CTNNBIP1: variants seen among roughly 807,000 people sequenced by gnomAD.
CTNNBIP1 encodes the protein catenin beta interacting protein 1, also known as beta-catenin-interacting protein 1.
Under a neutral mutation model 11.8 loss-of-function variants are expected in CTNNBIP1, and 7 were observed. That is an observed-to-expected ratio of 0.60 (90% CI 0.34 to 1.12). The LOEUF (loss-of-function observed/expected upper bound fraction) is 1.12, where lower values mean the gene tolerates loss of function less well. CTNNBIP1 is among the 50% of genes most tolerant of loss of function. The pLI is 0.03. For synonymous variants in CTNNBIP1, 58 were observed against 43.9 expected, an observed-to-expected ratio of 1.32 and a Z score of -1.26; for missense variants, 101 against 113.4, an observed-to-expected ratio of 0.89 and a Z score of 0.50.
chr1:9,870,848 A>G lies in CTNNBIP1; in HGVS notation c.187+339T>C, dbSNP rs559980574. ...ACAGGGTGCTGGGTGGGTAGGGGTC[A>G]GGCCAAAGGTTAAAGAAATGCAATA... On this transcript the variant is annotated intron_variant, in intron 5 of 5. Transcript: ENST00000377263. 1.5e-3 allele frequency among the ~76,000 whole-genome samples: 233 copies of G among 152,334 alleles called. 1 individual carries two copies. The highest frequency in any genetic ancestry group is 5.4e-3 in the African/African-American group (223 of 41,572).
chr1:9,877,149 G>A (rs1312658131), intron 3 of CTNNBIP1, among the ~76,000 whole-genome samples: 1 of 152,212 alleles, frequency 6.6e-6, no homozygotes, highest in Non-Finnish European at 1.5e-5. Flanking sequence ...TCTCACTTTA[G>A]AAGAATTAGG....
chr1:9,901,744 A>G (rs1196763691), intron 1 of CTNNBIP1, among the ~76,000 whole-genome samples: 1 of 152,142 alleles, frequency 6.6e-6, no homozygotes, highest in Non-Finnish European at 1.5e-5. Context: ...GCACTGAGTG[A>G]CCTGGCCTCC....
At chr1:9,861,459 CT>C (rs1287562237) in intron 5 of CTNNBIP1, among the ~76,000 whole-genome samples, 1 of 152,218 alleles carries the variant, frequency 6.6e-6, no homozygotes, top group Non-Finnish European at 1.5e-5. Flanking sequence ...CAGGGGATGG[CT>C]TTTACCCAGA....
chr1:9,878,457 A>G (rs1184396299), intron 2 of CTNNBIP1, among the ~76,000 whole-genome samples: 1 of 152,214 alleles, frequency 6.6e-6, no homozygotes, highest in Non-Finnish European at 1.5e-5. Flanking sequence ...TGCTCAGTGC[A>G]TGTATATGTG....
At chr1:9,868,529 G>A (rs995611020) in intron 5 of CTNNBIP1, among the ~76,000 whole-genome samples, 2 of 152,146 alleles carry the variant, frequency 1.3e-5, no homozygotes, top group African/African-American at 4.8e-5. Context: ...TTTCCCTTAT[G>A]ACAAAGAAAC....
rs70998316 is a variant in CTNNBIP1, at chr1:9,891,781, A to ATTT, written c.-143-8046_-143-8044dup. Among the ~76,000 whole-genome samples, 133 of 81,452 alleles carry ATTT rather than the reference A, an allele frequency of 1.6e-3. 3 individuals carry two copies. Among genetic ancestry groups the ATTT allele is most frequent in the Non-Finnish European group, 2.3e-3 (104 of 44,936 alleles). 53.4% of individuals were successfully genotyped at this position (81,452 alleles called of 152,430 possible). A position where few individuals can be genotyped will look rare whatever the true frequency, so the allele number is the denominator to read the frequency against. On this transcript the variant is annotated intron_variant, in intron 1 of 5. Coordinates refer to ENST00000377263, the MANE Select transcript of CTNNBIP1 (RefSeq NM_020248.3). ...ATAAAGTAAGACCCCATCTCTTTAA[A>ATTT]TTTTTTTTTTTTTTTTTTTTTTTTT...
rs992346797 is a variant in CTNNBIP1, at chr1:9,883,552, G to T, written c.-110+153C>A. Among the ~76,000 whole-genome samples, 3 of 152,212 alleles carry T rather than the reference G, an allele frequency of 2.0e-5. No homozygotes were observed. Among genetic ancestry groups the T allele is most frequent in the Admixed American group, 1.3e-4 (2 of 15,282 alleles). ...CAGGACAGGGGCTGCTTCAGTAGCTGTAACAACCCCATGCCAGCCTGATCC... is the reference window on the plus strand; with the variant it reads ...CAGGACAGGGGCTGCTTCAGTAGCTTTAACAACCCCATGCCAGCCTGATCC... On this transcript the variant is annotated intron_variant, in intron 2 of 5. Transcript: ENST00000377263. This position sits in a 1 kb window ranked among gnomAD's most constrained non-coding sequence, Gnocchi z 5.6.
At chr1:9,860,524 C>T (rs1270545658) in intron 5 of CTNNBIP1, among the ~76,000 whole-genome samples, 2 of 149,032 alleles carry the variant, frequency 1.3e-5, no homozygotes, top group Non-Finnish European at 3.0e-5. Flanking sequence ...GCAGGAGAGT[C>T]GCTTGAACCT....
intron 5 of CTNNBIP1, among the ~76,000 whole-genome samples, chr1:9,870,960 G>A (rs976062650): frequency 1.3e-5 from 2 of 152,184 alleles, no homozygotes; most frequent in African/African-American, 2.4e-5. Context: ...CATTTGTCTT[G>A]TAGAGTCTTT....
At chr1:9,885,487 T>C (rs533332176) in intron 1 of CTNNBIP1, among the ~76,000 whole-genome samples, 67 of 151,982 alleles carry the variant, frequency 4.4e-4, no homozygotes, top group Non-Finnish European at 2.1e-4. Context: ...CTACAAAAAA[T>C]ACAAAAGTTA....
chr1:9,901,554 A>C lies in CTNNBIP1; in HGVS notation c.-144+8541T>G, dbSNP rs528283298. ...ATTGACCACAGGATTCCAGCAGCAG[A>C]AAACATGTGGGTTAGACACTTGGGT... On this transcript the variant is annotated intron_variant, in intron 1 of 5. Transcript: ENST00000377263. Among the ~76,000 whole-genome samples, 9 of 152,308 alleles carry C rather than the reference A, an allele frequency of 5.9e-5. No individual in the cohort carries two copies. The East Asian group carries it at 1.7e-3, about 29-fold the overall frequency.
At chr1:9,902,811 G>T (rs557030828) in intron 1 of CTNNBIP1, among the ~76,000 whole-genome samples, 149 of 151,698 alleles carry the variant, frequency 9.8e-4, no homozygotes, top group Admixed American at 2.4e-3. Context: ...TATTGCCCAG[G>T]CTGGAGTGCA....
Position 9,871,196 on chromosome 1 carries a change from T to A in CTNNBIP1, c.178A>T (p.Ile60Phe). 1 of 1,574,040 alleles carries A rather than the reference T, an allele frequency of 6.4e-7. No homozygotes were observed. Among genetic ancestry groups the A allele is most frequent in the Non-Finnish European group, 8.6e-7 (1 of 1,160,408 alleles). ...TCTGCCGCCAACTCACCCTGGTCGA[T>A]GGAGTGCGGAGGCAGCTGGCTGAGC... ...SQLSQLPPHS[I>F]DQGAEDVVMA... Residue 60 changes from isoleucine to phenylalanine, a missense_variant, in exon 5 of 6, where the codon ATC becomes TTC. By Grantham distance (21) the Ile-to-Phe change is conservative. Transcript: ENST00000377263. This position sits in a 1 kb window ranked among gnomAD's most constrained non-coding sequence, Gnocchi z 5.2.
rs186315294 is a variant in CTNNBIP1, at chr1:9,874,583, G to A, written c.-24-2495C>T. Among the ~76,000 whole-genome samples, 1,137 of 152,034 alleles carry A rather than the reference G, an allele frequency of 7.5e-3. 4 individuals carry two copies. Among genetic ancestry groups the A allele is most frequent in the Non-Finnish European group, 0.012 (815 of 68,018 alleles). On this transcript the variant is annotated intron_variant, in intron 3 of 5. Coordinates refer to ENST00000377263, the MANE Select transcript of CTNNBIP1 (RefSeq NM_020248.3). ...CTGATTTTCTGAAAGTGCCCTGTTG[G>A]AGAACTTGCTTATTGTCTCTGCCCA... is the stretch of plus-strand genomic sequence containing the variant.
At chr1:9,860,641 A>G (rs2101451526) in intron 5 of CTNNBIP1, among the ~76,000 whole-genome samples, 1 of 151,492 alleles carries the variant, frequency 6.6e-6, no homozygotes, top group Non-Finnish European at 1.5e-5. Context: ...AAAAAGAAAA[A>G]AGAATCAGGA....
At chr1:9,889,948 T>C (rs1169366042) in intron 1 of CTNNBIP1, among the ~76,000 whole-genome samples, 1 of 152,204 alleles carries the variant, frequency 6.6e-6, no homozygotes, top group Non-Finnish European at 1.5e-5. Flanking sequence ...CTGGGGCTCC[T>C]CGAGTGGTGA....
At position 9,858,786 on chromosome 1, in the gene CTNNBIP1, A is replaced by C. The variant is rs749338790; in HGVS notation, c.188-8010T>G. On this transcript the variant is annotated intron_variant, in intron 5 of 5. Coordinates refer to ENST00000377263, the MANE Select transcript of CTNNBIP1 (RefSeq NM_020248.3). ...GGGCAAGTACCTGGGACACAGGATG[A>C]ATCTTTACTTTACAGATGAGGAAAC... 5.3e-5 allele frequency among the ~76,000 whole-genome samples: 8 copies of C among 152,336 alleles called. No homozygotes were observed. In the South Asian group the frequency reaches 1.7e-3, roughly 32 times the overall value.
chr1:9,898,835 T>A (rs1404030118), intron 1 of CTNNBIP1, among the ~76,000 whole-genome samples: 1 of 152,210 alleles, frequency 6.6e-6, no homozygotes, highest in Non-Finnish European at 1.5e-5. Context: ...TCTAGATTAT[T>A]CACAGTACCT....
chr1:9,881,193 T>C (rs1220403), intron 2 of CTNNBIP1, among the ~76,000 whole-genome samples: 146,064 of 152,022 alleles, frequency 0.96, 70,425 homozygotes, highest in East Asian at 1. Context: ...CACCACCATA[T>C]CCGGCTAATT....
Sources: allele counts gnomAD v4.1 joint callset (sites outside exome capture counted in the v4.1 genomes callset), GRCh38; gene constraint gnomAD v4.1.1; non-coding constraint Gnocchi (gnomAD v3.1); transcripts MANE v1.5; gene names NCBI Gene and HGNC (gene_info 2026-07-23, HGNC 2026-07-21).